The following TMEM132D variants were observed in gnomAD, a reference collection of about 807,000 sequenced individuals.
The protein encoded by TMEM132D is mature OL transmembrane protein.
A neutral mutation model predicts 62.3 loss-of-function variants in TMEM132D; 21 were observed. The observed-to-expected ratio is 0.34, with a 90% CI of 0.24 to 0.49. TMEM132D has a LOEUF of 0.49. TMEM132D is among the 20% of genes least tolerant of loss of function. The pLI is 0.99. For synonymous variants in TMEM132D, 621 were observed against 575.6 expected (o/e 1.08, Z -1.13); for missense variants, 1,346 against 1,402.8 (o/e 0.96, Z 0.65).
chr12:129,667,347 A>T (rs1300055506), intron 2 of TMEM132D, among the ~76,000 whole-genome samples: 1 of 152,190 alleles, frequency 6.6e-6, no homozygotes, highest in Non-Finnish European at 1.5e-5. Flanking sequence ...ATGTTAAAAG[A>T]TAATGAAAGG....
chr12:129,219,586 G>T (rs1017180354), intron 4 of TMEM132D, among the ~76,000 whole-genome samples: 3 of 152,156 alleles, frequency 2.0e-5, no homozygotes, highest in Non-Finnish European at 4.4e-5. Flanking sequence ...GATAAAGTAG[G>T]GAACAAAAAT....
intron 1 of TMEM132D, among the ~76,000 whole-genome samples, chr12:129,901,786 T>C (rs1301531931): frequency 6.6e-6 from 1 of 152,164 alleles, no homozygotes; most frequent in African/African-American, 2.4e-5. Context: ...ATTCTGTACC[T>C]TTCTTAATAC....
intron 1 of TMEM132D, among the ~76,000 whole-genome samples, chr12:129,896,304 G>T (rs1002821217): frequency 6.6e-6 from 1 of 152,012 alleles, no homozygotes; most frequent in Non-Finnish European, 1.5e-5. Flanking sequence ...TTCCTGTCTC[G>T]TGCCTTCTGC....
intron 4 of TMEM132D, among the ~76,000 whole-genome samples, chr12:129,260,647 G>C (rs7299461): frequency 0.44 from 67,169 of 152,014 alleles, 15,360 homozygotes; most frequent in African/African-American, 0.55. Flanking sequence ...AATATGTAGT[G>C]TTTGTCTCTC....
intron 4 of TMEM132D, chr12:129,212,349 C>T (rs1879079093): frequency 1.3e-5 from 2 of 152,172 alleles, no homozygotes; most frequent in Admixed American, 6.5e-5. Flanking sequence ...TTGGTATTTC[C>T]CTGCCTCCTC....
At chr12:129,889,826 A>G (rs924805398) in intron 1 of TMEM132D, among the ~76,000 whole-genome samples, 1 of 152,214 alleles carries the variant, frequency 6.6e-6, no homozygotes, top group Non-Finnish European at 1.5e-5. Context: ...AACACAAAGA[A>G]TACTTTGAAA....
At chr12:129,343,819 C>A (rs936347033) in intron 3 of TMEM132D, among the ~76,000 whole-genome samples, 1 of 150,886 alleles carries the variant, frequency 6.6e-6, no homozygotes, top group Admixed American at 6.6e-5. Context: ...TGCCTGTAAT[C>A]CCAGGGGAGG....
rs535782513 is a variant in TMEM132D, at chr12:129,859,922, C to T, written c.79+43339G>A. Among the ~76,000 whole-genome samples the T allele has an allele frequency of 8.7e-3, 1,326 of 152,288 alleles. 9 individuals carry two copies. Among genetic ancestry groups the T allele is most frequent in the Non-Finnish European group, 0.011 (760 of 68,036 alleles). Reference sequence around the variant, plus strand: ...GCAGACAGTCTATCATGGGACTTTGCCTTGGATCTTGCGAGTCAATTCTCC... The same window carrying T: ...GCAGACAGTCTATCATGGGACTTTGTCTTGGATCTTGCGAGTCAATTCTCC... On this transcript the variant is annotated intron_variant, in intron 1 of 8. Coordinates refer to ENST00000422113, the MANE Select transcript of TMEM132D (RefSeq NM_133448.3).
chr12:129,603,688 T>C (rs111388186), intron 2 of TMEM132D, among the ~76,000 whole-genome samples: 2 of 152,104 alleles, frequency 1.3e-5, no homozygotes, highest in African/African-American at 2.4e-5. Flanking sequence ...GGAGAGGATA[T>C]GGAGAAAAAG....
intron 3 of TMEM132D, among the ~76,000 whole-genome samples, chr12:129,364,739 C>G (rs1870352617): frequency 6.6e-6 from 1 of 152,162 alleles, no homozygotes; most frequent in Non-Finnish European, 1.5e-5. Flanking sequence ...ATCATTATTG[C>G]AGGTGTTGTT....
At chr12:129,819,454 G>T (rs10847956) in intron 1 of TMEM132D, among the ~76,000 whole-genome samples, 1 of 151,620 alleles carries the variant, frequency 6.6e-6, no homozygotes, top group African/African-American at 2.4e-5. Flanking sequence ...GTGCAAGCAA[G>T]CCCCCAGTTC....
At chr12:129,727,669 T>C (rs897497654) in intron 1 of TMEM132D, among the ~76,000 whole-genome samples, 1 of 152,296 alleles carries the variant, frequency 6.6e-6, no homozygotes, top group East Asian at 1.9e-4. Flanking sequence ...ATGACTTTCA[T>C]TGCTAAGATC....
At chr12:129,840,672 T>A (rs1012109984) in intron 1 of TMEM132D, 1 of 152,206 alleles carries the variant, frequency 6.6e-6, no homozygotes, top group Non-Finnish European at 1.5e-5. Context: ...AGGCTCCCAG[T>A]GCGGCCGCCC....
intron 5 of TMEM132D, among the ~76,000 whole-genome samples, chr12:129,106,233 A>C (rs113148973): frequency 1.0e-4 from 15 of 144,260 alleles, no homozygotes; most frequent in Admixed American, 7.2e-4. Context: ...CACATGGACA[A>C]AGGAAGGGGA....
chr12:129,397,326 C>T (rs1222656153), intron 3 of TMEM132D, among the ~76,000 whole-genome samples: 2 of 152,142 alleles, frequency 1.3e-5, no homozygotes, highest in Non-Finnish European at 2.9e-5. Context: ...CCATCACTCA[C>T]CAAGTGTGCG....
chr12:129,296,079 C>T (rs1482956936), intron 4 of TMEM132D, among the ~76,000 whole-genome samples: 1 of 151,850 alleles, frequency 6.6e-6, no homozygotes, highest in Non-Finnish European at 1.5e-5. Flanking sequence ...CACACACACA[C>T]ACACACATAT....
At chr12:129,786,780 A>C (rs542188914) in intron 1 of TMEM132D, among the ~76,000 whole-genome samples, 1 of 152,296 alleles carries the variant, frequency 6.6e-6, no homozygotes, top group Admixed American at 6.5e-5. Flanking sequence ...AATCCCAGCT[A>C]CTTGGGAGGC....
chr12:129,865,968 T>A (rs1874045129), intron 1 of TMEM132D, among the ~76,000 whole-genome samples: 1 of 152,154 alleles, frequency 6.6e-6, no homozygotes, highest in Non-Finnish European at 1.5e-5. Flanking sequence ...CTGTCTCAGA[T>A]CGTGTGCCTA....
rs373561050 is a variant in TMEM132D at position 129,386,746 on chromosome 12, C to T, written c.1116-48929G>A. On this transcript the variant is annotated intron_variant, in intron 3 of 8. Coordinates refer to ENST00000422113, the MANE Select transcript of TMEM132D (RefSeq NM_133448.3). ...CCAACACCAACGCCACCAATGCTAA[C>T]ACTATCACTAATCATAATACAAACA... is the stretch of plus-strand genomic sequence containing the variant. Among the ~76,000 whole-genome samples the T allele has an allele frequency of 4.5e-4, 68 of 152,064 alleles. No individual in the cohort carries two copies. In the East Asian group the frequency reaches 0.012, roughly 26 times the overall value.
Sources: allele counts gnomAD v4.1 joint callset (sites outside exome capture counted in the v4.1 genomes callset), GRCh38; gene constraint gnomAD v4.1.1; transcripts MANE v1.5; gene names NCBI Gene and HGNC (gene_info 2026-07-23, HGNC 2026-07-21).